Variants in C1orf56 observed in about 807,000 individuals in gnomAD.
C1orf56 encodes protein MENT.
In C1orf56, 14 loss-of-function variants were observed where a neutral mutation model predicts 20.7. The ratio of observed to expected loss-of-function variants is 0.68; its 90% CI spans 0.45 to 1.06. C1orf56 has a LOEUF of 1.06. C1orf56 is among the 50% of genes least tolerant of loss of function. The pLI, the probability that C1orf56 is intolerant of heterozygous loss-of-function variation, is 0.00. For missense variants in C1orf56, 424 were observed against 451.4 expected, an observed-to-expected ratio of 0.94 and a Z score of 0.55; for synonymous variants, 187 against 194.7, an observed-to-expected ratio of 0.96 and a Z score of 0.33.
At position 151,048,417 on chromosome 1, in the gene C1orf56, C is replaced by T. The variant is rs757691338; in HGVS notation, c.570C>T (p.Pro190=). 31 of 1,610,390 alleles carry T rather than the reference C, an allele frequency of 1.9e-5. No homozygotes were observed. Among genetic ancestry groups the T allele is most frequent in the Non-Finnish European group, 2.6e-5 (31 of 1,179,984 alleles). ...STPSRWPSPS[P]TAMPSPEDLR... The stretch of plus-strand genomic sequence containing the variant: ...CGAGCCGGTGGCCGTCACCCTCACC[C>T]ACAGCCATGCCATCTCCTGAGGATC... Residue 190 remains proline, a synonymous_variant, in exon 1 of 2, where the codon CCC becomes CCT. Transcript: ENST00000368926. The surrounding 1 kb of genome is among the most constrained non-coding windows in gnomAD (Gnocchi z 4.8).
In C1orf56 at chr1:151,051,393, GAAAAAAAAAAAAA is replaced by G. The variant is rs71702880; in HGVS notation, c.*950_*962del. ...AATGGCAGAAAATACATGGAAATTT[GAAAAAAAAAAAAA>G]AAAAAAAAAAAAAAGAACCTCAGTC... On this transcript the variant is annotated 3_prime_UTR_variant, in exon 2 of 2. Coordinates refer to ENST00000368926, the MANE Select transcript of C1orf56 (RefSeq NM_017860.5). 8.2e-4 allele frequency: 28 copies of G among 34,098 alleles called. No homozygotes were observed. Among genetic ancestry groups the G allele is most frequent in the Admixed American group, 2.8e-3 (5 of 1,794 alleles). The allele number at this position is 34,098 out of a possible 1,614,324, so 2.1% of individuals were successfully genotyped here.
In C1orf56 at chr1:151,050,558, T is replaced by C; in HGVS notation, c.*100T>C. On this transcript the variant is annotated 3_prime_UTR_variant, in exon 2 of 2. Coordinates refer to ENST00000368926, the MANE Select transcript of C1orf56 (RefSeq NM_017860.5). ...TATTTTTAGTACAGAAAAACAAAAC[T>C]GGAAAACACATTGTTTGGTCTTGTG... The C allele has an allele frequency of 8.5e-7, 1 of 1,175,362 alleles. No individual in the cohort carries two copies. Among genetic ancestry groups the C allele is most frequent in the Non-Finnish European group, 1.2e-6 (1 of 820,962 alleles). The allele number at this position is 1,175,362 out of a possible 1,614,324, so 72.8% of individuals were successfully genotyped here. A position where few individuals can be genotyped will look rare whatever the true frequency, so the allele number is the denominator to read the frequency against.
rs779763776 is a variant in C1orf56, at chr1:151,047,827, C to T, written c.-21C>T. 2.6e-6 allele frequency: 4 copies of T among 1,524,796 alleles called. No individual in the cohort carries two copies. Among genetic ancestry groups the T allele is most frequent in the African/African-American group, 1.4e-5 (1 of 72,188 alleles). 94.5% of individuals were successfully genotyped at this position (1,524,796 alleles called of 1,614,324 possible). A position where few individuals can be genotyped will look rare whatever the true frequency, so the allele number is the denominator to read the frequency against. On this transcript the variant is annotated 5_prime_UTR_variant, in exon 1 of 2. Coordinates refer to ENST00000368926, the MANE Select transcript of C1orf56 (RefSeq NM_017860.5). The stretch of plus-strand genomic sequence containing the variant: ...GGGCTTGCCTCACTGGCCACCCTCC[C>T]AACCCCAAGAGCCCAGCCCCATGGT...
Position 151,047,803 on chromosome 1 carries a change from G to A in C1orf56, c.-45G>A. 1 of 1,485,206 alleles carries A rather than the reference G, an allele frequency of 6.7e-7. No homozygotes were observed. Among genetic ancestry groups the A allele is most frequent in the Non-Finnish European group, 8.9e-7 (1 of 1,124,972 alleles). 92.0% of individuals were successfully genotyped at this position (1,485,206 alleles called of 1,614,324 possible). On this transcript the variant is annotated 5_prime_UTR_variant, in exon 1 of 2. Transcript: ENST00000368926. ...GGGAGGGAGCGAAGGTAGGAGGCAG[G>A]GCTTGCCTCACTGGCCACCCTCCCA...
In C1orf56 at chr1:151,048,085, C is replaced by T; in HGVS notation, c.238C>T (p.Pro80Ser). ...GGCCGACGCCGACCGCCTGGCTGGA[C>T]CAGCGGCTGCCGAGCTCTTGGCCGC... ...AMADADRLAG[P>S]AAAELLAATV... Residue 80 changes from proline (P) to serine (S), a missense_variant, in exon 1 of 2, where the codon CCA becomes TCA. Physicochemically the swap from Pro to Ser is moderately conservative, Grantham distance 74. Transcript: ENST00000368926. This position sits in a 1 kb window ranked among gnomAD's most constrained non-coding sequence, Gnocchi z 4.8. The T allele has an allele frequency of 6.2e-7, 1 of 1,612,942 alleles. No homozygotes were observed. Among genetic ancestry groups the T allele is most frequent in the Non-Finnish European group, 8.5e-7 (1 of 1,179,906 alleles).
chr1:151,050,035 T>C (rs1676144554), intron 1 of C1orf56, among the ~76,000 whole-genome samples: 1 of 152,254 alleles, frequency 6.6e-6, no homozygotes, highest in Admixed American at 6.5e-5. Context: ...ACAAAGCTAG[T>C]AAGTGGCAGA....
intron 1 of C1orf56, among the ~76,000 whole-genome samples, chr1:151,049,296 T>A (rs1676127814): frequency 1.3e-5 from 2 of 150,632 alleles, no homozygotes; most frequent in African/African-American, 4.9e-5. Context: ...TTTTTTTTTT[T>A]AGAAGAGACA....
Position 151,048,843 on chromosome 1 carries a change from G to C in C1orf56, c.996G>C (p.Glu332Asp), listed in dbSNP as rs1255131539. The C allele has an allele frequency of 1.3e-6, 2 of 1,550,528 alleles. No homozygotes were observed. The highest frequency in any genetic ancestry group is 2.7e-5 in the African/African-American group (2 of 73,122). The change falls in exon 1 of 2, where the codon GAG (glutamate) becomes GAC (aspartate). Residue 332 changes from glutamate to aspartate, a missense_variant. By Grantham distance (45) the Glu-to-Asp change is conservative. Coordinates refer to ENST00000368926, the MANE Select transcript of C1orf56 (RefSeq NM_017860.5). The surrounding 1 kb of genome is among the most constrained non-coding windows in gnomAD (Gnocchi z 4.8). ...ATAGCCTCTCTTCAGTGTTCACAGA[G>C]ATGCAACCAGTAAGTGTTTGGTGAT... is the stretch of plus-strand genomic sequence containing the variant. ...IWNSLSSVFT[E>D]MQPIDRNQR
At position 151,048,470 on chromosome 1, in the gene C1orf56, C is replaced by T. The variant is rs1375485038; in HGVS notation, c.623C>T (p.Pro208Leu). The T allele has an allele frequency of 6.2e-7, 1 of 1,608,430 alleles. No individual in the cohort carries two copies. ...DLRLVLMPWG[P>L]WHCHCKSGTM... ...CGGCTGGTGCTGATGCCCTGGGGCC[C>T]GTGGCACTGCCACTGCAAGTCGGGC... Residue 208 changes from proline (P) to leucine (L), a missense_variant, in exon 1 of 2, where the codon CCG (proline) becomes CTG (leucine). By Grantham distance (98) the Pro-to-Leu change is moderately conservative. Transcript: ENST00000368926. This position sits in a 1 kb window ranked among gnomAD's most constrained non-coding sequence, Gnocchi z 4.8.
intron 1 of C1orf56, 21 bp from the exon 2 acceptor site, chr1:151,050,417 C>A: frequency 1.2e-6 from 2 of 1,600,602 alleles, no homozygotes; most frequent in South Asian, 2.3e-5. Flanking sequence ...CCCTTTTTCT[C>A]TATTTTTTTT....
chr1:151,050,362 A>G, intron 1 of C1orf56, 76 bp from the exon 2 acceptor site: 2 of 1,412,212 alleles, frequency 1.4e-6, no homozygotes, highest in South Asian at 1.3e-5. Flanking sequence ...TGGGAGGGGG[A>G]GATGAAGCAA....
chr1:151,048,556 G>A lies in C1orf56; in HGVS notation c.709G>A (p.Ala237Thr), dbSNP rs777409447. The A allele has an allele frequency of 1.2e-6, 2 of 1,614,040 alleles. No individual in the cohort carries two copies. Among genetic ancestry groups the A allele is most frequent in the South Asian group, 1.1e-5 (1 of 91,082 alleles). ...HGLSGRLRVG[A>T]LSQLRTEHKP... Reference sequence around the variant, plus strand: ...CCTTTCCGGGCGCCTTCGAGTTGGGGCGCTGAGCCAGCTCCGCACGGAGCA... The same window carrying A: ...CCTTTCCGGGCGCCTTCGAGTTGGGACGCTGAGCCAGCTCCGCACGGAGCA... Residue 237 changes from alanine to threonine, a missense_variant, in exon 1 of 2, where the codon GCG (alanine) becomes ACG (threonine). Coordinates refer to ENST00000368926, the MANE Select transcript of C1orf56 (RefSeq NM_017860.5). This position sits in a 1 kb window ranked among gnomAD's most constrained non-coding sequence, Gnocchi z 4.8.
rs587695299 is a variant in C1orf56, at chr1:151,050,016, C to T, written c.1006-422C>T. On this transcript the variant is annotated intron_variant, in intron 1 of 1. Coordinates refer to ENST00000368926, the MANE Select transcript of C1orf56 (RefSeq NM_017860.5). ...TATCCCTGCTTTTCAGATGAAGAAA[C>T]TGAGGTTTACAAAGCTAGTAAGTGG... Among the ~76,000 whole-genome samples the T allele has an allele frequency of 8.5e-5, 13 of 152,360 alleles. 2 individuals are homozygous for T. Among genetic ancestry groups the T allele is most frequent in the African/African-American group, 3.1e-4 (13 of 41,590 alleles).
At position 151,051,180 on chromosome 1, in the gene C1orf56, C is replaced by A. The variant is rs1676169746; in HGVS notation, c.*722C>A. On this transcript the variant is annotated 3_prime_UTR_variant, in exon 2 of 2. Coordinates refer to ENST00000368926, the MANE Select transcript of C1orf56 (RefSeq NM_017860.5). Reference sequence around the variant, plus strand: ...CAGGTATTAGAATGAGGCCGAAGATCACGGTGACCAGAGATTTCTAGGAGT... The same window carrying A: ...CAGGTATTAGAATGAGGCCGAAGATAACGGTGACCAGAGATTTCTAGGAGT... 6.6e-6 allele frequency: 1 copy of A among 151,688 alleles called. No individual in the cohort carries two copies. Among genetic ancestry groups the A allele is most frequent in the African/African-American group, 2.4e-5 (1 of 41,252 alleles). The allele number at this position is 151,688 out of a possible 1,614,324, so 9.4% of individuals were successfully genotyped here.
In C1orf56 at chr1:151,051,319, TG is replaced by T. The variant is rs1340154936; in HGVS notation, c.*863del. 4 of 128,496 alleles carry T rather than the reference TG, an allele frequency of 3.1e-5. No individual in the cohort carries two copies. Among genetic ancestry groups the T allele is most frequent in the Non-Finnish European group, 6.2e-5 (4 of 64,106 alleles). The allele number at this position is 128,496 out of a possible 1,614,324, so 8.0% of individuals were successfully genotyped here. A position where few individuals can be genotyped will look rare whatever the true frequency, so the allele number is the denominator to read the frequency against. On this transcript the variant is annotated 3_prime_UTR_variant, in exon 2 of 2. Coordinates refer to ENST00000368926, the MANE Select transcript of C1orf56 (RefSeq NM_017860.5). ...TTACTTTCAGAGCAACCAGCTTGAC[TG>T]GAACTGAGAGTAAATTGGGAATGTA... is the stretch of plus-strand genomic sequence containing the variant.
chr1:151,050,417 C>CTATT, intron 1 of C1orf56, 21 bp from the exon 2 acceptor site: 2 of 1,600,602 alleles, frequency 1.2e-6, no homozygotes, highest in Non-Finnish European at 1.7e-6. Flanking sequence ...CCCTTTTTCT[C>CTATT]TATTTTTTTT....
In C1orf56 at chr1:151,048,560, T is replaced by C; in HGVS notation, c.713T>C (p.Leu238Pro). 6.2e-7 allele frequency: 1 copy of C among 1,614,066 alleles called. No homozygotes were observed. Among genetic ancestry groups the C allele is most frequent in the East Asian group, 2.2e-5 (1 of 44,888 alleles). Residue 238 changes from leucine (L) to proline (P), a missense_variant, in exon 1 of 2, where the codon CTG (leucine) becomes CCG (proline). By Grantham distance (98) the Leu-to-Pro change is moderately conservative. Transcript: ENST00000368926. This position sits in a 1 kb window ranked among gnomAD's most constrained non-coding sequence, Gnocchi z 4.8. The part of the protein sequence containing the change: ...GLSGRLRVGA[L>P]SQLRTEHKPC... ...TCCGGGCGCCTTCGAGTTGGGGCGC[T>C]GAGCCAGCTCCGCACGGAGCACAAG...
At position 151,051,158 on chromosome 1, in the gene C1orf56, G is replaced by GT. The variant is rs1167733637; in HGVS notation, c.*701dup. On this transcript the variant is annotated 3_prime_UTR_variant, in exon 2 of 2. Coordinates refer to ENST00000368926, the MANE Select transcript of C1orf56 (RefSeq NM_017860.5). ...AGGAAAAAGACTGTCCAAAGAACAGGTATTAGAATGAGGCCGAAGATCACG... is the reference window on the plus strand; with the variant it reads ...AGGAAAAAGACTGTCCAAAGAACAGGTTATTAGAATGAGGCCGAAGATCACG... 6.6e-6 allele frequency: 1 copy of GT among 151,896 alleles called. No individual in the cohort carries two copies. The highest frequency in any genetic ancestry group is 2.4e-5 in the African/African-American group (1 of 41,336). The allele number at this position is 151,896 out of a possible 1,614,324, so 9.4% of individuals were successfully genotyped here.
In C1orf56 at chr1:151,048,580, C is replaced by T; in HGVS notation, c.733C>T (p.His245Tyr). ...GGCGCTGAGCCAGCTCCGCACGGAG[C>T]ACAAGCCTTGCACCTATCAACAATG... is the stretch of plus-strand genomic sequence containing the variant. ...VGALSQLRTE[H>Y]KPCTYQQCPC... Residue 245 changes from histidine to tyrosine, a missense_variant, in exon 1 of 2, where the codon CAC becomes TAC. Transcript: ENST00000368926. The surrounding 1 kb of genome is among the most constrained non-coding windows in gnomAD (Gnocchi z 4.8). 5 of 1,614,214 alleles carry T rather than the reference C, an allele frequency of 3.1e-6. No homozygotes were observed. In the African/African-American group the frequency reaches 6.7e-5, roughly 22 times the overall value.
Sources: gnomAD v4.1 joint callset for allele counts (sites outside exome capture counted in the v4.1 genomes callset) on GRCh38, gnomAD v4.1.1 for gene constraint, Gnocchi (gnomAD v3.1) non-coding constraint, MANE v1.5 for transcripts, NCBI Gene and HGNC (gene_info 2026-07-23, HGNC 2026-07-21) for gene names.